The following CDK12 variants were observed in gnomAD, a reference collection of about 807,000 sequenced individuals.
CDK12 encodes the protein cyclin-dependent kinase 12.
CDK12 carries 17 observed loss-of-function variants against 133.8 expected under a neutral mutation model. That is an observed-to-expected ratio of 0.13 (90% confidence interval 0.09 to 0.19). The LOEUF is 0.19. CDK12 is among the 10% of genes least tolerant of loss of function. The pLI, the probability that CDK12 is intolerant of heterozygous loss-of-function variation, is 1.00. For missense variants in CDK12, 1,508 were observed against 1,818.7 expected, an observed-to-expected ratio of 0.83 and a Z score of 3.11; for synonymous variants, 694 against 683.6, an observed-to-expected ratio of 1.02 and a Z score of -0.24.
chr17:39,464,262 C>G (rs2049140017), intron 1 of CDK12, among the ~76,000 whole-genome samples: 1 of 151,780 alleles, frequency 6.6e-6, no homozygotes, highest in Non-Finnish European at 1.5e-5. Context: ...GCCCTGTTGC[C>G]TAGGCTGGAG....
intron 12 of CDK12, among the ~76,000 whole-genome samples, chr17:39,525,251 A>G (rs532714274): frequency 2.6e-5 from 4 of 152,318 alleles, no homozygotes; most frequent in Non-Finnish European, 4.4e-5. Flanking sequence ...TAAGACCTTC[A>G]TAGAATCTAG....
At chr17:39,471,861 C>G in intron 2 of CDK12, 98 bp downstream of exon 2, 2 of 1,031,318 alleles carry the variant, frequency 1.9e-6, no homozygotes, top group South Asian at 1.7e-5. Flanking sequence ...GTTTTATGAA[C>G]AGGAAATGTC....
At chr17:39,488,580 C>A (rs2051319426) in intron 2 of CDK12, among the ~76,000 whole-genome samples, 1 of 152,128 alleles carries the variant, frequency 6.6e-6, no homozygotes, top group African/African-American at 2.4e-5. Flanking sequence ...AATACTATTT[C>A]TTTTTTCCAA....
intron 13 of CDK12, among the ~76,000 whole-genome samples, chr17:39,529,017 A>T (rs1260673219): frequency 1.3e-5 from 2 of 152,128 alleles, no homozygotes; most frequent in East Asian, 3.9e-4. Flanking sequence ...TCCATGGCTA[A>T]TTTTTTGTCC....
At chr17:39,543,545 G>A (rs536206244), upstream of CDK12, among the ~76,000 whole-genome samples, 5 of 152,362 alleles carry the variant, frequency 3.3e-5, no homozygotes, top group African/African-American at 9.6e-5. Flanking sequence ...ATTAGAAAGA[G>A]TTAATGGGTC....
At chr17:39,467,634 T>A (rs2049446161) in intron 1 of CDK12, among the ~76,000 whole-genome samples, 1 of 152,182 alleles carries the variant, frequency 6.6e-6, no homozygotes, top group Admixed American at 6.6e-5. Flanking sequence ...TTGGTCATGC[T>A]GACTAAAACA....
chr17:39,547,228 C>T (rs973151031), upstream of CDK12, among the ~76,000 whole-genome samples: 9 of 151,434 alleles, frequency 5.9e-5, no homozygotes, highest in South Asian at 4.2e-4. Flanking sequence ...CTCTGCCTCC[C>T]GGATTCAAGC....
intron 1 of CDK12, among the ~76,000 whole-genome samples, chr17:39,540,084 A>G (rs1378555231): frequency 6.6e-6 from 1 of 152,198 alleles, no homozygotes; most frequent in Non-Finnish European, 1.5e-5. Flanking sequence ...TCACTAAAAT[A>G]TTATTGTTCT....
intron 2 of CDK12, among the ~76,000 whole-genome samples, chr17:39,481,470 GT>G (rs912750298): frequency 1.7e-4 from 24 of 142,072 alleles, no homozygotes; most frequent in Admixed American, 2.8e-4. Context: ...ATGCCCGGCT[GT>G]TTTTTTTTTT....
chr17:39,479,165 G>A (rs1358016856), intron 2 of CDK12, among the ~76,000 whole-genome samples: 6 of 152,046 alleles, frequency 3.9e-5, no homozygotes, highest in Admixed American at 2.6e-4. Context: ...AAAATTAGCC[G>A]GGCATGGTGG....
intron 1 of CDK12, among the ~76,000 whole-genome samples, chr17:39,542,320 A>G (rs1245190835): frequency 2.0e-5 from 3 of 149,946 alleles, no homozygotes; most frequent in Non-Finnish European, 4.4e-5. Flanking sequence ...CCGAGTAACT[A>G]ATGGCTAATT....
intron 7 of CDK12, among the ~76,000 whole-genome samples, chr17:39,511,222 A>G (rs951553498): frequency 6.7e-6 from 1 of 150,258 alleles, no homozygotes; most frequent in Admixed American, 6.6e-5. Flanking sequence ...CTCAAAAAAA[A>G]AAAAAAAAAA....
chr17:39,540,197 G>T (rs1338126810), intron 1 of CDK12, among the ~76,000 whole-genome samples: 1 of 152,244 alleles, frequency 6.6e-6, no homozygotes, highest in African/African-American at 2.4e-5. Flanking sequence ...GTCACAGCTT[G>T]GATGTGAGGA....
chr17:39,559,386 CT>C (rs1254792480), intron 3 of CDK12, among the ~76,000 whole-genome samples: 1 of 152,088 alleles, frequency 6.6e-6, no homozygotes, highest in African/African-American at 2.4e-5. Context: ...ATTTTATTAC[CT>C]GTGTAATTTT....
intron 6 of CDK12, among the ~76,000 whole-genome samples, chr17:39,504,698 G>A (rs1445532705): frequency 6.6e-6 from 1 of 151,604 alleles, no homozygotes; most frequent in Non-Finnish European, 1.5e-5. Context: ...GGCCAACATA[G>A]CAAAATTCTG....
At chr17:39,469,622 A>G (rs186149945) in intron 1 of CDK12, among the ~76,000 whole-genome samples, 71 of 147,428 alleles carry the variant, frequency 4.8e-4, no homozygotes, top group African/African-American at 1.6e-3. Flanking sequence ...CACCTTTACT[A>G]TGGAGTATGA....
chr17:39,504,985 CT>C (rs1471437571), intron 6 of CDK12, among the ~76,000 whole-genome samples: 1 of 150,960 alleles, frequency 6.6e-6, no homozygotes, highest in Admixed American at 6.6e-5. Context: ...AATCCCAGCA[CT>C]TTGGGAGGCC....
chr17:39,530,009 G>C (rs908117263), intron 13 of CDK12: 11 of 152,198 alleles, frequency 7.2e-5, no homozygotes, highest in African/African-American at 2.7e-4. Context: ...TGATTTTGGG[G>C]AGACGTGACT....
downstream of CDK12, among the ~76,000 whole-genome samples, chr17:39,565,403 C>T (rs985465004): frequency 1.4e-5 from 2 of 141,100 alleles, no homozygotes; most frequent in South Asian, 2.5e-4. Flanking sequence ...CGTGAGCCAC[C>T]GCACCCAGCC....
Sources: gnomAD v4.1 joint callset for allele counts (sites outside exome capture counted in the v4.1 genomes callset) on GRCh38, gnomAD v4.1.1 for gene constraint, MANE v1.5 for transcripts, NCBI Gene and HGNC (gene_info 2026-07-23, HGNC 2026-07-21) for gene names.